The following ADARB2 variants were observed in gnomAD, a reference collection of about 807,000 sequenced individuals.
ADARB2 encodes the protein inactive double-stranded RNA-specific editase B2.
Under a neutral mutation model 62.2 loss-of-function variants are expected in ADARB2, and 25 were observed. The observed-to-expected ratio is 0.40, with a 90% CI of 0.29 to 0.56. The LOEUF is 0.56. Ranked by LOEUF, ADARB2 falls within the 20% of genes least tolerant of loss-of-function variation. The pLI is 0.43. For synonymous variants in ADARB2, 572 were observed against 500.8 expected (o/e 1.14, Z -1.90); for missense variants, 1,071 against 1,077.4 (o/e 0.99, Z 0.08).
intron 1 of ADARB2, among the ~76,000 whole-genome samples, chr10:1,565,864 T>C (rs1489033203): frequency 1.3e-5 from 2 of 152,086 alleles, no homozygotes; most frequent in Non-Finnish European, 2.9e-5. Flanking sequence ...TTCTCCGTGG[T>C]GGGCAGCATT....
chr10:1,261,463 A>C (rs1046717995), intron 4 of ADARB2, among the ~76,000 whole-genome samples: 9 of 148,942 alleles, frequency 6.0e-5, no homozygotes, highest in Non-Finnish European at 1.3e-4. Context: ...ACAAGAAAAA[A>C]ACAACCCCAT....
intron 1 of ADARB2, among the ~76,000 whole-genome samples, chr10:1,634,416 C>G (rs922401637): frequency 6.6e-6 from 1 of 152,198 alleles, no homozygotes; most frequent in African/African-American, 2.4e-5. Flanking sequence ...AACGCTGCTC[C>G]TTGGAAACGT....
chr10:1,534,975 C>G (rs1832308589), intron 1 of ADARB2: 1 of 167,436 alleles, frequency 6.0e-6, no homozygotes. Context: ...TGAGAAGTCA[C>G]AGCTGGTTAG....
intron 8 of ADARB2, among the ~76,000 whole-genome samples, chr10:1,195,717 C>T (rs537816628): frequency 7.9e-5 from 12 of 152,050 alleles, no homozygotes; most frequent in East Asian, 1.9e-4. Context: ...GCTCTTAGCC[C>T]GAGGCTTCTG....
intron 4 of ADARB2, among the ~76,000 whole-genome samples, chr10:1,243,904 C>A (rs894627827): frequency 1.3e-5 from 2 of 152,232 alleles, no homozygotes; most frequent in African/African-American, 4.8e-5. Context: ...CTGCCCCCTC[C>A]CTGGTGGGAC....
At chr10:1,263,024 C>G (rs2131792527) in intron 4 of ADARB2, among the ~76,000 whole-genome samples, 1 of 150,562 alleles carries the variant, frequency 6.6e-6, no homozygotes, top group South Asian at 2.1e-4. Flanking sequence ...AGCAAACTAT[C>G]ACAAGGACAA....
chr10:1,527,384 AT>A (rs1021202050), intron 1 of ADARB2, among the ~76,000 whole-genome samples: 4 of 152,082 alleles, frequency 2.6e-5, no homozygotes, highest in African/African-American at 9.7e-5. Flanking sequence ...TGTTTTGATG[AT>A]TTTTACGGGG....
intron 3 of ADARB2, among the ~76,000 whole-genome samples, chr10:1,307,483 G>C (rs1487998424): frequency 7.3e-6 from 1 of 136,668 alleles, no homozygotes; most frequent in Non-Finnish European, 1.6e-5. Flanking sequence ...CTGTTGGTGG[G>C]ACTGTAAACT....
At chr10:1,722,460 C>T (rs1835104686) in intron 1 of ADARB2, among the ~76,000 whole-genome samples, 2 of 152,210 alleles carry the variant, frequency 1.3e-5, no homozygotes, top group Admixed American at 6.5e-5. Flanking sequence ...TACACAAACA[C>T]ACAGGGGCAC....
intron 4 of ADARB2, among the ~76,000 whole-genome samples, chr10:1,259,248 G>C (rs1449015215): frequency 6.6e-6 from 1 of 152,142 alleles, no homozygotes; most frequent in East Asian, 1.9e-4. Context: ...AACTAGACAA[G>C]CAAGAGCAAA....
chr10:1,292,971 G>GGA (rs1564248520), intron 3 of ADARB2: 1 of 17,354 alleles, frequency 5.8e-5, no homozygotes, highest in Admixed American at 9.7e-4. Flanking sequence ...AGAGGGAGAG[G>GGA]GAGGGAAGGA....
chr10:1,206,731 C>T lies in ADARB2; in HGVS notation c.1683-6584G>A, dbSNP rs968644730. 7.2e-5 allele frequency among the ~76,000 whole-genome samples: 11 copies of T among 152,288 alleles called. 1 individual carries two copies. Among genetic ancestry groups the T allele is most frequent in the Admixed American group, 7.2e-4 (11 of 15,302 alleles). On this transcript the variant is annotated intron_variant, in intron 7 of 9. Coordinates refer to ENST00000381312, the MANE Select transcript of ADARB2 (RefSeq NM_018702.4). ...CTGCGTCTCTGTATTGGGTTGGTGG[C>T]GTCCACACTGTCTGCGTCGTTGCTG...
At chr10:1,577,162 A>C (rs1833032462) in intron 1 of ADARB2, among the ~76,000 whole-genome samples, 1 of 151,970 alleles carries the variant, frequency 6.6e-6, no homozygotes, top group Non-Finnish European at 1.5e-5. Flanking sequence ...GCTCTGGTGT[A>C]AGGCCATCCA....
intron 1 of ADARB2, among the ~76,000 whole-genome samples, chr10:1,734,799 A>T (rs1247547701): frequency 6.6e-6 from 1 of 152,238 alleles, no homozygotes; most frequent in Non-Finnish European, 1.5e-5. Flanking sequence ...GAGTTTTAAT[A>T]TCAGATAAGC....
Position 1,217,075 on chromosome 10 carries a change from G to T in ADARB2, c.1558C>A (p.Arg520Ser), listed in dbSNP as rs755053826. 15 of 1,607,146 alleles carry T rather than the reference G, an allele frequency of 9.3e-6. No homozygotes were observed. The highest frequency in any genetic ancestry group is 3.4e-6 in the Non-Finnish European group (4 of 1,177,198). Reference protein sequence around the residue: ...HLVRKFRGHLRTKIESGEGTV... With the variant: ...HLVRKFRGHLSTKIESGEGTV... The stretch of plus-strand genomic sequence containing the variant: ...CCTTCCCCGGACTCGATCTTGGTGC[G>T]CAGGTGCCCGCGGAACTTCCTGACG... The change falls in exon 7 of 10, where the codon CGC (arginine) becomes AGC (serine). Residue 520 changes from arginine (R) to serine (S), a missense_variant. Transcript: ENST00000381312.
At chr10:1,413,605 A>G (rs1832776979) in intron 1 of ADARB2, among the ~76,000 whole-genome samples, 1 of 152,044 alleles carries the variant, frequency 6.6e-6, no homozygotes, top group South Asian at 2.1e-4. Context: ...AGAAACCTGG[A>G]CACAGGAAGC....
At chr10:1,408,906 C>T (rs796444641) in intron 1 of ADARB2, among the ~76,000 whole-genome samples, 20 of 152,294 alleles carry the variant, frequency 1.3e-4, no homozygotes, top group African/African-American at 2.9e-4. Context: ...TGAGGGTGGC[C>T]GCGGCTCCTC....
In ADARB2 at chr10:1,574,810, G is replaced by A. The variant is rs547570737; in HGVS notation, c.100+162241C>T. Among the ~76,000 whole-genome samples, 8 of 152,274 alleles carry A rather than the reference G, an allele frequency of 5.3e-5. No individual in the cohort carries two copies. The South Asian group carries it at 1.7e-3, about 32-fold the overall frequency. ...CAGACTTCAACCTGTGAATTCGGGG[G>A]ACACATACAGCCTGGAAGAGGCAGC... On this transcript the variant is annotated intron_variant, in intron 1 of 9. Transcript: ENST00000381312.
At chr10:1,689,991 TTTTTTGTTTG>T (rs1461988808) in intron 1 of ADARB2, among the ~76,000 whole-genome samples, 15 of 152,110 alleles carry the variant, frequency 9.9e-5, no homozygotes, top group African/African-American at 3.1e-4. Context: ...TTTGTTTTTG[TTTTTTGTTTG>T]TTTTTGTTTG....
Sources: allele counts gnomAD v4.1 joint callset (sites outside exome capture counted in the v4.1 genomes callset), GRCh38; gene constraint gnomAD v4.1.1; transcripts MANE v1.5; gene names NCBI Gene and HGNC (gene_info 2026-07-23, HGNC 2026-07-21).